The following NAE1 variants were observed in gnomAD, a reference collection of about 807,000 sequenced individuals.
NAE1 encodes NEDD8-activating enzyme E1 regulatory subunit.
NAE1 carries 59 observed loss-of-function variants against 88.0 expected under a neutral mutation model. The observed-to-expected ratio is 0.67, with a 90% CI of 0.54 to 0.83. NAE1 has a LOEUF of 0.83. Ranked by LOEUF, NAE1 falls within the 40% of genes least tolerant of loss-of-function variation. The pLI is 0.00. For missense variants in NAE1, 554 were observed against 632.8 expected, an observed-to-expected ratio of 0.88 and a Z score of 1.34; for synonymous variants, 186 against 208.9, an observed-to-expected ratio of 0.89 and a Z score of 0.95.
intron 17 of NAE1, among the ~76,000 whole-genome samples, chr16:66,806,788 T>C (rs1290302163): frequency 6.6e-6 from 1 of 152,172 alleles, no homozygotes; most frequent in Non-Finnish European, 1.5e-5. Flanking sequence ...TATTAATTGA[T>C]TGAATCCTCA....
chr16:66,808,606 G>C lies in NAE1; in HGVS notation c.1245C>G (p.Ser415Arg), dbSNP rs761651914. ...DTINKDEIIS[S>R]MDNPDNEIVL... is the part of the protein sequence containing the mutation. ...CTATTTCATTATCTGGATTGTCCATGCTAGAAACTGAAAGGAAAAAAAATT... is the reference window on the plus strand; with the variant it reads ...CTATTTCATTATCTGGATTGTCCATCCTAGAAACTGAAAGGAAAAAAAATT... The change falls in exon 17 of 20, where the codon AGC becomes AGG. Residue 415 changes from serine (S) to arginine (R), a missense_variant. Ser to Arg is a moderately radical substitution (Grantham distance 110, BLOSUM62 -1). Transcript: ENST00000290810. 3 of 1,599,432 alleles carry C rather than the reference G, an allele frequency of 1.9e-6. No homozygotes were observed. The South Asian group carries it at 3.4e-5, about 18-fold the overall frequency.
chr16:66,807,083 C>A (rs1355487447), intron 17 of NAE1, among the ~76,000 whole-genome samples: 1 of 152,162 alleles, frequency 6.6e-6, no homozygotes, highest in African/African-American at 2.4e-5. Flanking sequence ...AAAATGTCTT[C>A]TTGCATGTCT....
Position 66,805,795 on chromosome 16 carries a change from T to C in NAE1, c.1477A>G (p.Ile493Val). 1 of 1,517,442 alleles carries C rather than the reference T, an allele frequency of 6.6e-7. No individual in the cohort carries two copies. The highest frequency in any genetic ancestry group is 1.4e-5 in the African/African-American group (1 of 71,298). 94.0% of individuals were successfully genotyped at this position (1,517,442 alleles called of 1,614,324 possible). A position where few individuals can be genotyped will look rare whatever the true frequency, so the allele number is the denominator to read the frequency against. Reference sequence around the variant, plus strand: ...AACTCACCCCCCAAGAATGCAGCAATGGTATGTGGCTCAGCAGCTCCATAT... The same window carrying C: ...AACTCACCCCCCAAGAATGCAGCAACGGTATGTGGCTCAGCAGCTCCATAT... ...CRYGAAEPHT[I>V]AAFLGGAAAQ... Residue 493 changes from isoleucine to valine, a missense_variant, in exon 19 of 20, where the codon ATT becomes GTT. Coordinates refer to ENST00000290810, the MANE Select transcript of NAE1 (RefSeq NM_003905.4).
At position 66,816,606 on chromosome 16, in the gene NAE1, A is replaced by G; in HGVS notation, c.815T>C (p.Val272Ala). The change falls in exon 11 of 20, where the codon GTG becomes GCG. Residue 272 changes from valine to alanine, a missense_variant. By Grantham distance (64) the Val-to-Ala change is moderately conservative (BLOSUM62 0). Coordinates refer to ENST00000290810, the MANE Select transcript of NAE1 (RefSeq NM_003905.4). ...EENFEEAIKN[V>A]NTALNTTQIP... ...CTGAGTTGTATTTAGTGCTGTGTTC[A>G]CATTTTTAATAGCTTCTTCAAAATT... 6.2e-7 allele frequency: 1 copy of G among 1,611,782 alleles called. No homozygotes were observed. Among genetic ancestry groups the G allele is most frequent in the African/African-American group, 1.3e-5 (1 of 75,002 alleles).
chr16:66,826,998 TAGAAAC>T (rs758157314), intron 1 of NAE1, among the ~76,000 whole-genome samples: 1 of 152,066 alleles, frequency 6.6e-6, no homozygotes, highest in East Asian at 1.9e-4. Flanking sequence ...AGGGTCAAAT[TAGAAAC>T]AGAAACTTGG....
At position 66,810,366 on chromosome 16, in the gene NAE1, G is replaced by A. The variant is rs1428243803; in HGVS notation, c.1150+8C>T. ...GCAAAATAAGGAAATTAATTCAAGG[G>A]GACTTACAGAGTAATTTTAATTCTT... On this transcript the variant is annotated splice_region_variant and intron_variant, in intron 15 of 19. Coordinates refer to ENST00000290810, the MANE Select transcript of NAE1 (RefSeq NM_003905.4). 22 of 1,583,418 alleles carry A rather than the reference G, an allele frequency of 1.4e-5. No homozygotes were observed. Among genetic ancestry groups the A allele is most frequent in the Non-Finnish European group, 1.9e-5 (22 of 1,153,960 alleles).
At chr16:66,805,857 ATTAGCCTTATGACAGGT>A in intron 18 of NAE1, 31 bp from the exon 19 acceptor site, 1 of 1,575,704 alleles carries the variant, frequency 6.3e-7, no homozygotes, top group Non-Finnish European at 8.6e-7. Context: ...ATGAATTTTG[ATTAGCCTTATGACAGGT>A]GTGGAATCAT....
At chr16:66,816,845 G>A in intron 10 of NAE1, 120 bp downstream of exon 10, 1 of 1,472,442 alleles carries the variant, frequency 6.8e-7, no homozygotes, top group Non-Finnish European at 9.1e-7. Context: ...TCTCCAGAAG[G>A]AAAATAAAAG....
chr16:66,819,755 G>C (rs1402441052), intron 7 of NAE1, among the ~76,000 whole-genome samples: 1 of 152,148 alleles, frequency 6.6e-6, no homozygotes, highest in Non-Finnish European at 1.5e-5. Context: ...TTTGGATTAA[G>C]GATACTCAAT....
chr16:66,814,225 G>A (rs529607386), intron 11 of NAE1, among the ~76,000 whole-genome samples: 1 of 152,064 alleles, frequency 6.6e-6, no homozygotes, highest in African/African-American at 2.4e-5. Flanking sequence ...ATTAGTGACC[G>A]TTGAGACAAC....
chr16:66,823,076 C>CAAAAA (rs776599321), intron 6 of NAE1, 151 bp downstream of exon 6: 4 of 151,752 alleles, frequency 2.6e-5, no homozygotes, highest in African/African-American at 1.4e-4. Flanking sequence ...AGCTCAAGCT[C>CAAAAA]AAAAAAAAAA....
chr16:66,819,851 A>G (rs1960183842), intron 7 of NAE1, among the ~76,000 whole-genome samples: 1 of 152,200 alleles, frequency 6.6e-6, no homozygotes, highest in South Asian at 2.1e-4. Flanking sequence ...AACCTTCATT[A>G]TTATCTACCC....
intron 8 of NAE1, 58 bp from the exon 9 acceptor site, chr16:66,817,545 A>G: frequency 2.5e-6 from 3 of 1,197,408 alleles, no homozygotes; most frequent in Non-Finnish European, 3.5e-6. Flanking sequence ...TCACTGTACC[A>G]TCTCGTTTTC....
intron 4 of NAE1, chr16:66,824,603 A>T (rs1960390623): frequency 5.0e-5 from 14 of 280,460 alleles, no homozygotes; most frequent in East Asian, 7.3e-5. Flanking sequence ...AAAAAAAAAA[A>T]TTTGTTAACC....
intron 7 of NAE1, 59 bp downstream of exon 7, chr16:66,821,391 A>G: frequency 7.0e-7 from 1 of 1,421,438 alleles, no homozygotes; most frequent in African/African-American, 1.5e-5. Flanking sequence ...TAAATTGTCA[A>G]GTTTCTAAAA....
chr16:66,823,181 A>G (rs1037556251), intron 6 of NAE1, 46 bp downstream of exon 6: 2 of 1,237,204 alleles, frequency 1.6e-6, no homozygotes. Context: ...AAAACAATGC[A>G]AATCTAATAA....
chr16:66,811,146 C>T (rs1479265715), intron 13 of NAE1, among the ~76,000 whole-genome samples: 1 of 152,156 alleles, frequency 6.6e-6, no homozygotes, highest in African/African-American at 2.4e-5. Context: ...TAAAACTGTT[C>T]ATCTCCAATG....
chr16:66,818,067 T>C (rs1490545643), intron 8 of NAE1, among the ~76,000 whole-genome samples: 1 of 152,188 alleles, frequency 6.6e-6, no homozygotes, highest in African/African-American at 2.4e-5. Flanking sequence ...ATGGGGTATC[T>C]GTATAGCATT....
At position 66,805,819 on chromosome 16, in the gene NAE1, A is replaced by G. The variant is rs1959540917; in HGVS notation, c.1453T>C (p.Tyr485His). The G allele has an allele frequency of 2.4e-5, 37 of 1,542,104 alleles. No individual in the cohort carries two copies. The highest frequency in any genetic ancestry group is 3.0e-5 in the Non-Finnish European group (35 of 1,150,786). Reference sequence around the variant, plus strand: ...ATGGTATGTGGCTCAGCAGCTCCATATCGGCAACTAAAGGAGACCACAGAG... The same window carrying G: ...ATGGTATGTGGCTCAGCAGCTCCATGTCGGCAACTAAAGGAGACCACAGAG... ...KDDYVHEFCR[Y>H]GAAEPHTIAA... Residue 485 changes from tyrosine to histidine, a missense_variant, in exon 19 of 20, where the codon TAT becomes CAT. Physicochemically the swap from Tyr to His is moderately conservative, Grantham distance 83. Coordinates refer to ENST00000290810, the MANE Select transcript of NAE1 (RefSeq NM_003905.4).
Sources: allele counts gnomAD v4.1 joint callset (sites outside exome capture counted in the v4.1 genomes callset), GRCh38; gene constraint gnomAD v4.1.1; transcripts MANE v1.5; gene names NCBI Gene and HGNC (gene_info 2026-07-23, HGNC 2026-07-21).